The following PPP3CC variants were observed in gnomAD, a reference collection of about 807,000 sequenced individuals.
PPP3CC encodes protein phosphatase 3 catalytic subunit gamma.
A neutral mutation model predicts 60.3 loss-of-function variants in PPP3CC; 35 were observed. The ratio of observed to expected loss-of-function variants is 0.58; its 90% CI spans 0.44 to 0.77. The LOEUF (loss-of-function observed/expected upper bound fraction) is 0.77. PPP3CC is among the 30% of genes least tolerant of loss of function. PPP3CC has a pLI of 0.00. For missense variants in PPP3CC, 570 were observed against 628.9 expected, an observed-to-expected ratio of 0.91 and a Z score of 1.00; for synonymous variants, 206 against 224.3, an observed-to-expected ratio of 0.92 and a Z score of 0.73.
chr8:22,452,806 G>C (rs1354409681), intron 1 of PPP3CC, among the ~76,000 whole-genome samples: 1 of 139,388 alleles, frequency 7.2e-6, no homozygotes, highest in East Asian at 2.3e-4. Context: ...TGCTGCTGCC[G>C]CCATCGCTAT....
chr8:22,475,854 C>G (rs1384595302), intron 3 of PPP3CC, among the ~76,000 whole-genome samples: 2 of 152,074 alleles, frequency 1.3e-5, no homozygotes, highest in Non-Finnish European at 2.9e-5. Context: ...CCCAATTTTA[C>G]AAATAGTTAA....
intron 8 of PPP3CC, among the ~76,000 whole-genome samples, chr8:22,523,355 C>T (rs1031418534): frequency 6.6e-6 from 1 of 151,946 alleles, no homozygotes; most frequent in Non-Finnish European, 1.5e-5. Flanking sequence ...AAGACTTTAT[C>T]CTGTTAAAGT....
At chr8:22,519,650 A>G (rs1001782322) in intron 6 of PPP3CC, among the ~76,000 whole-genome samples, 3 of 152,082 alleles carry the variant, frequency 2.0e-5, no homozygotes, top group African/African-American at 7.2e-5. Context: ...AATGTAATTA[A>G]TTTCAGGTTT....
chr8:22,489,360 T>C (rs1006232963), intron 3 of PPP3CC, among the ~76,000 whole-genome samples: 7 of 151,808 alleles, frequency 4.6e-5, no homozygotes, highest in Admixed American at 1.3e-4. Flanking sequence ...TTTTTGTGCT[T>C]ATCTGTGATC....
At position 22,475,220 on chromosome 8, in the gene PPP3CC, A is replaced by G. The variant is rs548956647; in HGVS notation, c.247+69A>G. ...GCATGAGCAGTTTTGAGAAATAATT[A>G]CAAATAACCAGCTAAAAAGTGGTGT... On this transcript the variant is annotated intron_variant, in intron 2 of 13. Coordinates refer to ENST00000240139, the MANE Select transcript of PPP3CC (RefSeq NM_005605.5). 4.3e-6 allele frequency: 6 copies of G among 1,401,836 alleles called. No homozygotes were observed. The Admixed American group carries it at 1.2e-4, about 29-fold the overall frequency. 86.8% of individuals were successfully genotyped at this position (1,401,836 alleles called of 1,614,324 possible). A position where few individuals can be genotyped will look rare whatever the true frequency, so the allele number is the denominator to read the frequency against.
rs773492466 is a variant in PPP3CC at position 22,522,550 on chromosome 8, A to G, written c.830A>G (p.His277Arg). The change falls in exon 7 of 14, where the codon CAT becomes CGT. Residue 277 changes from histidine (H) to arginine (R), a missense_variant. Transcript: ENST00000240139. ...NNNLLSIIRA[H>R]EAQDAGYRMY... is the part of the protein sequence containing the mutation. ...AATTTACTATCAATTATCAGAGCCC[A>G]TGAAGCCCAAGATGCTGGGTAAGTT... 4 of 1,612,624 alleles carry G rather than the reference A, an allele frequency of 2.5e-6. No homozygotes were observed. Among genetic ancestry groups the G allele is most frequent in the Admixed American group, 1.7e-5 (1 of 59,884 alleles).
intron 1 of PPP3CC, among the ~76,000 whole-genome samples, chr8:22,459,166 A>G (rs1443448304): frequency 1.3e-5 from 2 of 151,748 alleles, no homozygotes; most frequent in Non-Finnish European, 2.9e-5. Flanking sequence ...TCCTGGGCCC[A>G]AGTGATCGTT....
At chr8:22,496,255 G>A (rs1233096167) in intron 3 of PPP3CC, among the ~76,000 whole-genome samples, 1 of 151,664 alleles carries the variant, frequency 6.6e-6, no homozygotes, top group Non-Finnish European at 1.5e-5. Flanking sequence ...ATCTACATAA[G>A]GACCAGTACC....
chr8:22,448,848 G>A (rs988411184), intron 1 of PPP3CC, among the ~76,000 whole-genome samples: 2 of 152,176 alleles, frequency 1.3e-5, no homozygotes, highest in Admixed American at 6.5e-5. Context: ...AGAAAAAAGC[G>A]AAAGTGGCAA....
At chr8:22,528,989 A>G (rs535615623) in intron 10 of PPP3CC, among the ~76,000 whole-genome samples, 11 of 152,192 alleles carry the variant, frequency 7.2e-5, no homozygotes, top group Non-Finnish European at 1.3e-4. Context: ...ATAGTTTTGA[A>G]CATTTGTTTA....
At chr8:22,497,350 A>G (rs1363214210) in intron 3 of PPP3CC, among the ~76,000 whole-genome samples, 1 of 150,570 alleles carries the variant, frequency 6.6e-6, no homozygotes, top group Non-Finnish European at 1.5e-5. Flanking sequence ...TTTTTTAAAG[A>G]TGGAGTCTCC....
chr8:22,484,983 T>C (rs75587323), intron 3 of PPP3CC, among the ~76,000 whole-genome samples: 3,436 of 152,300 alleles, frequency 0.023, 147 homozygotes, highest in African/African-American at 0.078. Flanking sequence ...TGAATCCTTT[T>C]TTTTAGCCTC....
At chr8:22,452,433 C>G in intron 1 of PPP3CC, among the ~76,000 whole-genome samples, 1 of 152,074 alleles carries the variant, frequency 6.6e-6, no homozygotes, top group Non-Finnish European at 1.5e-5. Context: ...TGCTAAGAAG[C>G]TGTGGAGAGT....
intron 3 of PPP3CC, chr8:22,492,590 C>T (rs370935430): frequency 2.7e-5 from 13 of 482,760 alleles, no homozygotes; most frequent in South Asian, 4.6e-5. Context: ...TAGCCCCCCA[C>T]GTTGGCCCCT....
intron 3 of PPP3CC, among the ~76,000 whole-genome samples, chr8:22,497,632 ACCCTTACAC>A (rs1474398874): frequency 6.6e-6 from 1 of 152,116 alleles, no homozygotes; most frequent in Non-Finnish European, 1.5e-5. Context: ...ATTGGCTGAT[ACCCTTACAC>A]CAGTTTTGAA....
chr8:22,511,025 A>G (rs1839069773), intron 4 of PPP3CC, 61 bp from the exon 5 acceptor site: 1 of 1,544,692 alleles, frequency 6.5e-7, no homozygotes, highest in South Asian at 1.1e-5. Context: ...CCTGGCCTAT[A>G]TCCTTTTTCA....
At chr8:22,459,068 A>ATTT (rs1028319142) in intron 1 of PPP3CC, among the ~76,000 whole-genome samples, 1 of 145,848 alleles carries the variant, frequency 6.9e-6, no homozygotes. Flanking sequence ...TACATTTGTA[A>ATTT]TTTTTTTTTT....
At chr8:22,470,057 TATAC>T (rs1199241675) in intron 1 of PPP3CC, among the ~76,000 whole-genome samples, 3 of 144,480 alleles carry the variant, frequency 2.1e-5, no homozygotes, top group Non-Finnish European at 4.5e-5. Flanking sequence ...GATATATATA[TATAC>T]ACACACACAC....
At position 22,491,356 on chromosome 8, in the gene PPP3CC, A is replaced by G. The variant is rs532015045; in HGVS notation, c.373-6645A>G. 1.3e-4 allele frequency among the ~76,000 whole-genome samples: 20 copies of G among 152,258 alleles called. 1 individual carries two copies. The highest frequency in any genetic ancestry group is 3.4e-3 in the Middle Eastern group (1 of 294). Reference sequence around the variant, plus strand: ...TCCTTCCAGAATATGATTTTATCTCATATTATAATACTTGCCAATATAATG... The same window carrying G: ...TCCTTCCAGAATATGATTTTATCTCGTATTATAATACTTGCCAATATAATG... On this transcript the variant is annotated intron_variant, in intron 3 of 13. Transcript: ENST00000240139.
Sources: allele counts gnomAD v4.1 joint callset (sites outside exome capture counted in the v4.1 genomes callset), GRCh38; gene constraint gnomAD v4.1.1; transcripts MANE v1.5; gene names NCBI Gene and HGNC (gene_info 2026-07-23, HGNC 2026-07-21).